Variants in SLC14A1 observed in about 807,000 individuals in gnomAD.
SLC14A1 encodes the protein urea transporter 1.
A neutral mutation model predicts 39.6 loss-of-function variants in SLC14A1; 36 were observed. The ratio of observed to expected loss-of-function variants is 0.91; its 90% CI spans 0.70 to 1.20. The LOEUF (loss-of-function observed/expected upper bound fraction) is 1.20. Among genes scored for constraint, SLC14A1 ranks in the 50% most tolerant of loss-of-function variants. The pLI, the probability that SLC14A1 is intolerant of heterozygous loss-of-function variation, is 0.00. For missense variants in SLC14A1, 469 were observed against 478.7 expected (o/e 0.98, Z 0.19); for synonymous variants, 164 against 173.6 (o/e 0.94, Z 0.43).
At chr18:45,739,783 C>CTGTCTAAG (rs1385762898) in intron 8 of SLC14A1, 121 bp downstream of exon 8, 1 of 1,311,026 alleles carries the variant, frequency 7.6e-7, no homozygotes, top group Non-Finnish European at 1.1e-6. Context: ...AGCCCACTTG[C>CTGTCTAAG]TGTCTAAGTG....
chr18:45,737,723 T>A (rs1420724542), intron 6 of SLC14A1: 1 of 152,230 alleles, frequency 6.6e-6, no homozygotes, highest in Non-Finnish European at 1.5e-5. Flanking sequence ...TGTGGCTATA[T>A]AAATTTAGAT....
Position 45,739,558 on chromosome 18 carries a change from T to C in SLC14A1, c.842T>C (p.Ile281Thr), listed in dbSNP as rs775333866. Reference sequence around the variant, plus strand: ...AGTCTTTCAGCCCCATTTGAGGACATCTACTTTGGACTCTGGGGTTTCAAC... The same window carrying C: ...AGTCTTTCAGCCCCATTTGAGGACACCTACTTTGGACTCTGGGGTTTCAAC... Reference protein sequence around the residue: ...GLSLSAPFEDIYFGLWGFNSS... With the variant: ...GLSLSAPFEDTYFGLWGFNSS... The change falls in exon 8 of 10, where the codon ATC becomes ACC. Residue 281 changes from isoleucine to threonine, a missense_variant. Coordinates refer to ENST00000321925, the MANE Select transcript of SLC14A1 (RefSeq NM_015865.7). 6.2e-7 allele frequency: 1 copy of C among 1,614,034 alleles called. No individual in the cohort carries two copies. The highest frequency in any genetic ancestry group is 1.1e-5 in the South Asian group (1 of 91,086).
chr18:45,739,893 A>T, intron 8 of SLC14A1: 1 of 586,630 alleles, frequency 1.7e-6, no homozygotes, highest in Non-Finnish European at 3.0e-6. Flanking sequence ...GAGTCATATT[A>T]ATATCCTAAA....
chr18:45,728,817 T>C (rs2046940751), intron 2 of SLC14A1, among the ~76,000 whole-genome samples: 1 of 152,168 alleles, frequency 6.6e-6, no homozygotes, highest in Non-Finnish European at 1.5e-5. Flanking sequence ...CTGGAATGCA[T>C]TGTATAAAAA....
At chr18:45,724,418 T>C (rs1042165216) in intron 1 of SLC14A1, 145 bp downstream of exon 1, 4 of 145,818 alleles carry the variant, frequency 2.7e-5, no homozygotes, top group Admixed American at 2.7e-4. Context: ...ATCAGAGTTC[T>C]GGTAGACTAG....
intron 4 of SLC14A1, among the ~76,000 whole-genome samples, chr18:45,733,382 T>C (rs1304084133): frequency 2.0e-5 from 3 of 152,220 alleles, no homozygotes; most frequent in Non-Finnish European, 4.4e-5. Context: ...TGTTCTTCTT[T>C]GCAATAACTT....
intron 8 of SLC14A1, among the ~76,000 whole-genome samples, chr18:45,745,787 C>A (rs2047529228): frequency 6.6e-6 from 1 of 152,184 alleles, no homozygotes; most frequent in Non-Finnish European, 1.5e-5. Flanking sequence ...TGGGCCCCCA[C>A]AAGGTACAAT....
chr18:45,749,339 T>C (rs1318584388), intron 9 of SLC14A1, among the ~76,000 whole-genome samples: 1 of 151,776 alleles, frequency 6.6e-6, no homozygotes, highest in Non-Finnish European at 1.5e-5. Flanking sequence ...GGAGACAGAA[T>C]GGAAAGAAAC....
chr18:45,730,325 A>AGGACAGCCCCACTATGGTTAGAGT lies in SLC14A1; in HGVS notation c.27_50dup (p.Val10_Arg17dup), dbSNP rs547922260. ...GAGCCAGAGGAAGAGATAGCCATGG[A>AGGACAGCCCCACTATGGTTAGAGT]GGACAGCCCCACTATGGTTAGAGTG... On this transcript the variant is annotated inframe_insertion, in exon 3 of 10. Coordinates refer to ENST00000321925, the MANE Select transcript of SLC14A1 (RefSeq NM_015865.7). 1.9e-6 allele frequency: 3 copies of AGGACAGCCCCACTATGGTTAGAGT among 1,613,610 alleles called. No homozygotes were observed. The highest frequency in any genetic ancestry group is 2.5e-6 in the Non-Finnish European group (3 of 1,179,618).
chr18:45,741,870 G>C (rs553165132), intron 8 of SLC14A1, among the ~76,000 whole-genome samples: 1 of 152,286 alleles, frequency 6.6e-6, no homozygotes, highest in African/African-American at 2.4e-5. Context: ...TTCTGAGATT[G>C]GTTAGGGGTT....
chr18:45,749,975 G>A lies in SLC14A1; in HGVS notation c.*24G>A, dbSNP rs368415643. On this transcript the variant is annotated 3_prime_UTR_variant, in exon 10 of 10. Coordinates refer to ENST00000321925, the MANE Select transcript of SLC14A1 (RefSeq NM_015865.7). ...GAGAACAAGCCCCATTTGCAGCCATGGTCACGAGTCATTTCTGCCTGACTG... is the reference window on the plus strand; with the variant it reads ...GAGAACAAGCCCCATTTGCAGCCATAGTCACGAGTCATTTCTGCCTGACTG... 1.2e-6 allele frequency: 2 copies of A among 1,614,126 alleles called. No individual in the cohort carries two copies. Among genetic ancestry groups the A allele is most frequent in the East Asian group, 2.2e-5 (1 of 44,890 alleles).
intron 8 of SLC14A1, among the ~76,000 whole-genome samples, chr18:45,742,374 A>G (rs1311515543): frequency 5.4e-5 from 2 of 36,996 alleles, no homozygotes; most frequent in African/African-American, 2.5e-4. Flanking sequence ...TTTTTTTTTG[A>G]CAGAGTCTTG....
intron 2 of SLC14A1, among the ~76,000 whole-genome samples, chr18:45,728,010 C>A (rs1169482444): frequency 6.6e-6 from 1 of 152,204 alleles, no homozygotes; most frequent in African/African-American, 2.4e-5. Flanking sequence ...ATAGCAGCAA[C>A]TGTCTGCCCA....
intron 6 of SLC14A1, chr18:45,737,437 A>C (rs2047230120): frequency 6.6e-6 from 1 of 152,262 alleles, no homozygotes; most frequent in South Asian, 2.1e-4. Flanking sequence ...AGAACACCTG[A>C]AATTAGAAGA....
At chr18:45,734,051 G>A in intron 4 of SLC14A1, 1 of 509,590 alleles carries the variant, frequency 2.0e-6, no homozygotes, top group Non-Finnish European at 3.5e-6. Context: ...AAAAAGGCTG[G>A]GGACCACTGA....
chr18:45,748,230 T>C, intron 8 of SLC14A1, 146 bp from the exon 9 acceptor site: 1 of 843,782 alleles, frequency 1.2e-6, no homozygotes, highest in Admixed American at 1.8e-5. Context: ...GGAGCCAGGA[T>C]TTGAACCCAG....
At chr18:45,731,429 C>T (rs1665481788) in intron 4 of SLC14A1, 2 of 600,948 alleles carry the variant, frequency 3.3e-6, no homozygotes, top group Non-Finnish European at 3.0e-6. Flanking sequence ...ATTCTTGTGG[C>T]ATTACGTGCT....
Position 45,736,396 on chromosome 18 carries a change from G to A in SLC14A1, c.471-60G>A, listed in dbSNP as rs1016091555. ...AAACAAAGCCCCTCCAGAGTATAGC[G>A]ATTCCGTGTGTCAGCCTGCTTTGTC... is the stretch of plus-strand genomic sequence containing the variant. On this transcript the variant is annotated intron_variant, in intron 5 of 9. Transcript: ENST00000321925. 2.9e-5 allele frequency: 44 copies of A among 1,535,184 alleles called. No individual in the cohort carries two copies. The Admixed American group carries it at 3.2e-4, about 11-fold the overall frequency.
intron 9 of SLC14A1, among the ~76,000 whole-genome samples, chr18:45,749,527 AT>A (rs879554647): frequency 2.0e-5 from 3 of 152,058 alleles, no homozygotes; most frequent in Non-Finnish European, 2.9e-5. Flanking sequence ...GGAAGTCTGA[AT>A]ATATGAGAGG....
Sources: gnomAD v4.1 joint callset for allele counts (sites outside exome capture counted in the v4.1 genomes callset) on GRCh38, gnomAD v4.1.1 for gene constraint, MANE v1.5 for transcripts, NCBI Gene and HGNC (gene_info 2026-07-23, HGNC 2026-07-21) for gene names.